NRXN1: variants seen among roughly 807,000 people sequenced by gnomAD.
NRXN1 encodes the protein neurexin 1, also known as neurexin-1.
A neutral mutation model predicts 150.9 loss-of-function variants in NRXN1; 39 were observed. The ratio of observed to expected loss-of-function variants is 0.26; its 90% CI spans 0.20 to 0.34. The LOEUF is 0.34. NRXN1 is among the 10% of genes least tolerant of loss of function. The probability of loss-of-function intolerance (pLI) is 1.00; values close to 1 mark genes in which losing one functional copy is unlikely to be tolerated. For synonymous variants in NRXN1, 924 were observed against 757.0 expected (o/e 1.22, Z -3.62); for missense variants, 1,815 against 1,949.9 (o/e 0.93, Z 1.30).
chr2:50,257,170 G>T (rs914912546), intron 17 of NRXN1, among the ~76,000 whole-genome samples: 8 of 151,980 alleles, frequency 5.3e-5, no homozygotes, highest in Admixed American at 1.3e-4. Context: ...TTTGTCCATG[G>T]TCACAAAGTA....
At chr2:50,773,852 T>C (rs1289964026) in intron 5 of NRXN1, among the ~76,000 whole-genome samples, 1 of 152,246 alleles carries the variant, frequency 6.6e-6, no homozygotes, top group East Asian at 1.9e-4. Context: ...AATCACACTT[T>C]GCTCAACACA....
intron 8 of NRXN1, among the ~76,000 whole-genome samples, chr2:50,590,399 T>C (rs777394340): frequency 1.3e-5 from 2 of 152,174 alleles, no homozygotes; most frequent in Non-Finnish European, 2.9e-5. Flanking sequence ...CCACTGCGTC[T>C]ATGAAACATT....
rs1316253530 is a variant in NRXN1 at position 50,940,306 on chromosome 2, C to G, written c.773-14351G>C. 4.6e-5 allele frequency among the ~76,000 whole-genome samples: 7 copies of G among 151,904 alleles called. No individual in the cohort carries two copies. In the East Asian group the frequency reaches 7.7e-4, roughly 17 times the overall value. ...CCTGGCCAACATGGTGAAACCCCAT[C>G]TCTACCAAAAATACAAAAATTAGCT... On this transcript the variant is annotated intron_variant, in intron 2 of 22. Coordinates refer to ENST00000401669, the MANE Select transcript of NRXN1 (RefSeq NM_001330078.2).
chr2:50,499,820 C>T (rs112609964), intron 13 of NRXN1, among the ~76,000 whole-genome samples: 11,940 of 151,556 alleles, frequency 0.079, 1,176 homozygotes, highest in African/African-American at 0.23. Flanking sequence ...TGGTGGTGGG[C>T]GCCTGTAATC....
intron 17 of NRXN1, among the ~76,000 whole-genome samples, chr2:50,450,650 C>T (rs1351168799): frequency 6.6e-6 from 1 of 152,104 alleles, no homozygotes; most frequent in East Asian, 1.9e-4. Context: ...ACACACAAGG[C>T]CTTTCTCTTT....
intron 19 of NRXN1, among the ~76,000 whole-genome samples, chr2:50,065,976 T>C (rs1465725195): frequency 6.6e-6 from 1 of 152,214 alleles, no homozygotes; most frequent in African/African-American, 2.4e-5. Flanking sequence ...CTATTTCTTA[T>C]CTCTGCGTTT....
intron 15 of NRXN1, among the ~76,000 whole-genome samples, chr2:50,478,586 G>A (rs569515222): frequency 6.6e-6 from 1 of 152,108 alleles, no homozygotes; most frequent in Non-Finnish European, 1.5e-5. Flanking sequence ...ATACATCTTA[G>A]TCTCCCTTGG....
At chr2:50,935,749 T>A (rs542303813) in intron 2 of NRXN1, among the ~76,000 whole-genome samples, 1 of 150,218 alleles carries the variant, frequency 6.7e-6, no homozygotes, top group South Asian at 2.1e-4. Flanking sequence ...AACCCGAATA[T>A]GGAATGGTAG....
chr2:50,805,241 ATTTTG>A (rs1024400689), intron 5 of NRXN1, among the ~76,000 whole-genome samples: 3 of 152,130 alleles, frequency 2.0e-5, no homozygotes, highest in Middle Eastern at 3.2e-3. Context: ...AAGTATTGGG[ATTTTG>A]TTTTATTACA....
At chr2:50,813,019 AC>A (rs1444106190) in intron 5 of NRXN1, among the ~76,000 whole-genome samples, 1 of 152,060 alleles carries the variant, frequency 6.6e-6, no homozygotes, top group Non-Finnish European at 1.5e-5. Context: ...GTGAGATCTC[AC>A]CTGTACAATA....
chr2:50,775,434 G>A (rs1289513204), intron 5 of NRXN1, among the ~76,000 whole-genome samples: 1 of 152,060 alleles, frequency 6.6e-6, no homozygotes, highest in East Asian at 1.9e-4. Context: ...ATTCAAATGT[G>A]CTCGCACTGC....
In NRXN1 at chr2:50,578,995, T is replaced by C. The variant is rs375117128; in HGVS notation, c.1321-25970A>G. Among the ~76,000 whole-genome samples the C allele has an allele frequency of 2.5e-3, 377 of 152,260 alleles. 4 individuals are homozygous for C. In the South Asian group the frequency reaches 0.025, roughly 10 times the overall value. ...CATCACTTCTTACCTGCAGCACACA[T>C]TTCATTTTCAGATTTATTTTCCCTT... On this transcript the variant is annotated intron_variant, in intron 8 of 22. Coordinates refer to ENST00000401669, the MANE Select transcript of NRXN1 (RefSeq NM_001330078.2).
chr2:50,578,706 TAATA>T (rs1452362769), intron 8 of NRXN1, among the ~76,000 whole-genome samples: 1 of 152,110 alleles, frequency 6.6e-6, no homozygotes, highest in East Asian at 1.9e-4. Context: ...GTGTATGTTA[TAATA>T]AATTAAAAAA....
intron 17 of NRXN1, among the ~76,000 whole-genome samples, chr2:50,432,000 G>A (rs184135637): frequency 1.2e-4 from 18 of 152,264 alleles, no homozygotes; most frequent in African/African-American, 4.3e-4. Context: ...AATAAGGCAG[G>A]CAATGCTACT....
At chr2:50,718,858 C>G (rs528237314) in intron 5 of NRXN1, among the ~76,000 whole-genome samples, 1 of 152,194 alleles carries the variant, frequency 6.6e-6, no homozygotes, top group South Asian at 2.1e-4. Flanking sequence ...CTCTCATCCT[C>G]CATCTCTTCT....
At chr2:51,012,230 A>T (rs12713130) in intron 2 of NRXN1, among the ~76,000 whole-genome samples, 32,249 of 151,712 alleles carry the variant, frequency 0.21, 4,062 homozygotes, top group African/African-American at 0.36. Flanking sequence ...GTCTTTTTTT[A>T]AAAAAACTTA....
chr2:50,103,770 A>G (rs1434325649), intron 18 of NRXN1, among the ~76,000 whole-genome samples: 1 of 152,046 alleles, frequency 6.6e-6, no homozygotes, highest in Non-Finnish European at 1.5e-5. Flanking sequence ...CTGGAAAAGC[A>G]AGAGAATATT....
At chr2:50,890,529 A>G (rs1016552896) in intron 5 of NRXN1, among the ~76,000 whole-genome samples, 1 of 151,826 alleles carries the variant, frequency 6.6e-6, no homozygotes, top group African/African-American at 2.4e-5. Flanking sequence ...TTGTCAGACC[A>G]TAATTGTCCT....
chr2:49,955,660 A>T (rs1458741739), intron 21 of NRXN1, among the ~76,000 whole-genome samples: 4 of 152,042 alleles, frequency 2.6e-5, no homozygotes. Flanking sequence ...ATCTCTTACA[A>T]ACTCTCTTGC....
Sources: allele counts gnomAD v4.1 joint callset (sites outside exome capture counted in the v4.1 genomes callset), GRCh38; gene constraint gnomAD v4.1.1; transcripts MANE v1.5; gene names NCBI Gene and HGNC (gene_info 2026-07-23, HGNC 2026-07-21).